SNX10: variants seen among roughly 807,000 people sequenced by gnomAD.
SNX10 encodes sorting nexin 10, also known as sorting nexin-10.
SNX10 carries 25 observed loss-of-function variants against 28.5 expected under a neutral mutation model. That is an observed-to-expected ratio of 0.88 (90% CI 0.64 to 1.22). The LOEUF (loss-of-function observed/expected upper bound fraction) is 1.22. Among genes scored for constraint, SNX10 ranks in the 50% most tolerant of loss-of-function variants. The probability of loss-of-function intolerance (pLI) is 0.00; values close to 1 mark genes in which losing one functional copy is unlikely to be tolerated. For synonymous variants in SNX10, 62 were observed against 81.4 expected (o/e 0.76, Z 1.28); for missense variants, 223 against 242.6 (o/e 0.92, Z 0.54).
At chr7:26,321,306 G>T (rs967220513) in intron 1 of SNX10, among the ~76,000 whole-genome samples, 2 of 152,076 alleles carry the variant, frequency 1.3e-5, no homozygotes, top group Non-Finnish European at 1.5e-5. Context: ...TTTTCCTCTT[G>T]AATCTTGCTT....
At chr7:26,330,680 A>G (rs2128004477) in intron 1 of SNX10, among the ~76,000 whole-genome samples, 1 of 152,194 alleles carries the variant, frequency 6.6e-6, no homozygotes, top group South Asian at 2.1e-4. Context: ...CTGGGCAGAC[A>G]TTGTGGCTCA....
intron 1 of SNX10, among the ~76,000 whole-genome samples, chr7:26,316,668 G>T (rs1787102609): frequency 6.6e-6 from 1 of 152,264 alleles, no homozygotes; most frequent in African/African-American, 2.4e-5. Context: ...AGGTTCTGTT[G>T]TTGATCACTG....
chr7:26,353,365 C>CTAGATTT (rs889185702), intron 2 of SNX10, among the ~76,000 whole-genome samples: 60 of 148,206 alleles, frequency 4.0e-4, no homozygotes, highest in African/African-American at 1.4e-3. Flanking sequence ...ATGAAATGTG[C>CTAGATTT]TAGATTTTAG....
At chr7:26,324,268 A>AC (rs1787413015) in intron 1 of SNX10, among the ~76,000 whole-genome samples, 1 of 130,096 alleles carries the variant, frequency 7.7e-6, no homozygotes, top group Non-Finnish European at 1.9e-5. Context: ...AATGTGTGTG[A>AC]GAAAAAAACC....
Position 26,372,648 on chromosome 7 carries a change from C to T in SNX10, c.*76C>T, listed in dbSNP as rs185145186. The stretch of plus-strand genomic sequence containing the variant: ...TAGAGAAGAAAGCTTCATAATAATA[C>T]ATTCTTACCTAAAGCTCACTGTCAT... On this transcript the variant is annotated 3_prime_UTR_variant, in exon 7 of 7. Coordinates refer to ENST00000338523, the MANE Select transcript of SNX10 (RefSeq NM_013322.3). 6 of 866,162 alleles carry T rather than the reference C, an allele frequency of 6.9e-6. No homozygotes were observed. Among genetic ancestry groups the T allele is most frequent in the Non-Finnish European group, 1.2e-5 (6 of 507,280 alleles). The allele number at this position is 866,162 out of a possible 1,614,324, so 53.7% of individuals were successfully genotyped here.
chr7:26,327,933 C>T (rs529626937), intron 1 of SNX10, among the ~76,000 whole-genome samples: 14 of 151,910 alleles, frequency 9.2e-5, no homozygotes, highest in African/African-American at 2.9e-4. Flanking sequence ...AGGGTTTCAC[C>T]GTGTTAGCCA....
chr7:26,365,587 G>A (rs1262309908), intron 5 of SNX10, among the ~76,000 whole-genome samples: 2 of 152,116 alleles, frequency 1.3e-5, no homozygotes, highest in Non-Finnish European at 2.9e-5. Context: ...ATAGTTTAAC[G>A]CTGATCTTTG....
intron 1 of SNX10, among the ~76,000 whole-genome samples, chr7:26,340,037 T>G (rs1788121666): frequency 6.6e-6 from 1 of 152,086 alleles, no homozygotes; most frequent in South Asian, 2.1e-4. Flanking sequence ...AAACCATACT[T>G]GTTATTCCTT....
chr7:26,315,048 G>A (rs1207464829), intron 1 of SNX10, among the ~76,000 whole-genome samples: 2 of 151,952 alleles, frequency 1.3e-5, no homozygotes, highest in East Asian at 3.9e-4. Context: ...GATTAAAATA[G>A]CAGGAAAAAG....
At chr7:26,333,987 C>T (rs1226315638) in intron 1 of SNX10, among the ~76,000 whole-genome samples, 1 of 152,112 alleles carries the variant, frequency 6.6e-6, no homozygotes. Context: ...GACTAATTAA[C>T]ACTAATATTT....
intron 2 of SNX10, among the ~76,000 whole-genome samples, chr7:26,359,883 C>T (rs57468306): frequency 0.012 from 1,887 of 152,318 alleles, 44 homozygotes; most frequent in African/African-American, 0.043. Context: ...GGCTCAATCT[C>T]TTGACCTTGT....
chr7:26,314,881 C>A (rs1291891917), intron 1 of SNX10, among the ~76,000 whole-genome samples: 1 of 152,032 alleles, frequency 6.6e-6, no homozygotes, highest in Non-Finnish European at 1.5e-5. Flanking sequence ...ACCTGTAGTC[C>A]CAGCTACTCG....
chr7:26,372,139 T>G, intron 6 of SNX10, 106 bp downstream of exon 6: 1 of 757,802 alleles, frequency 1.3e-6, no homozygotes, highest in Non-Finnish European at 2.1e-6. Context: ...TTTGTTGATA[T>G]AATACTAAGA....
rs371042896 is a variant in SNX10 at position 26,294,736 on chromosome 7, G to A, written c.-24+2650G>A. Reference sequence around the variant, plus strand: ...ATAGTTATCTAGGGCTTACTGTGTGGTAGGCCCTGTTACAAGTGTCCTAAG... The same window carrying A: ...ATAGTTATCTAGGGCTTACTGTGTGATAGGCCCTGTTACAAGTGTCCTAAG... On this transcript the variant is annotated intron_variant, in intron 1 of 6. Transcript: ENST00000338523. Among the ~76,000 whole-genome samples, 10 of 152,326 alleles carry A rather than the reference G, an allele frequency of 6.6e-5. No homozygotes were observed. In the Middle Eastern group the frequency reaches 0.01, roughly 155 times the overall value.
intron 1 of SNX10, among the ~76,000 whole-genome samples, chr7:26,342,890 T>C (rs1347581421): frequency 6.6e-6 from 1 of 152,132 alleles, no homozygotes; most frequent in Admixed American, 6.6e-5. Flanking sequence ...CACCGCAGCG[T>C]TGACCTCCCA....
At chr7:26,335,963 C>G (rs1787923839) in intron 1 of SNX10, among the ~76,000 whole-genome samples, 2 of 151,576 alleles carry the variant, frequency 1.3e-5, no homozygotes, top group African/African-American at 2.4e-5. Context: ...GATCTCCTGA[C>G]CTCGTGATCC....
intron 1 of SNX10, among the ~76,000 whole-genome samples, chr7:26,337,987 G>A (rs767889034): frequency 6.6e-6 from 1 of 151,912 alleles, no homozygotes; most frequent in Non-Finnish European, 1.5e-5. Context: ...TTTGTTTCTT[G>A]GATCTATCCT....
chr7:26,354,455 A>T (rs1191327215), intron 2 of SNX10, among the ~76,000 whole-genome samples: 1 of 152,172 alleles, frequency 6.6e-6, no homozygotes, highest in African/African-American at 2.4e-5. Context: ...GGCTCAAGCA[A>T]TCCTCCCACC....
chr7:26,348,211 C>G (rs76659010), intron 2 of SNX10, among the ~76,000 whole-genome samples: 1 of 152,198 alleles, frequency 6.6e-6, no homozygotes, highest in Middle Eastern at 3.2e-3. Context: ...TGACCTTCCA[C>G]AATACCTATA....
Sources: gnomAD v4.1 joint callset for allele counts (sites outside exome capture counted in the v4.1 genomes callset) on GRCh38, gnomAD v4.1.1 for gene constraint, MANE v1.5 for transcripts, NCBI Gene and HGNC (gene_info 2026-07-23, HGNC 2026-07-21) for gene names.